DAPP1: variants seen among roughly 807,000 people sequenced by gnomAD.
The protein encoded by DAPP1 is dual adaptor of phosphotyrosine and 3-phosphoinositides 1.
Under a neutral mutation model 41.5 loss-of-function variants are expected in DAPP1, and 20 were observed. The observed-to-expected ratio is 0.48, with a 90% CI of 0.34 to 0.70. The LOEUF (loss-of-function observed/expected upper bound fraction) is 0.70. Among genes scored for constraint, DAPP1 ranks in the 30% least tolerant of loss-of-function variants. DAPP1 has a pLI of 0.01. For missense variants in DAPP1, 233 were observed against 333.4 expected, an observed-to-expected ratio of 0.70 and a Z score of 2.35; for synonymous variants, 113 against 116.2, an observed-to-expected ratio of 0.97 and a Z score of 0.18.
At chr4:99,848,618 G>A (rs1289909083) in intron 3 of DAPP1, among the ~76,000 whole-genome samples, 1 of 152,194 alleles carries the variant, frequency 6.6e-6, no homozygotes, top group Non-Finnish European at 1.5e-5. Context: ...CAAGGAATCT[G>A]CTTAGTAATC....
chr4:99,845,197 G>C (rs982343361), intron 3 of DAPP1, among the ~76,000 whole-genome samples: 4 of 152,202 alleles, frequency 2.6e-5, no homozygotes, highest in Non-Finnish European at 5.9e-5. Flanking sequence ...ACTTGCCCAA[G>C]TTTTCACTGC....
chr4:99,835,571 G>A (rs533457966), intron 1 of DAPP1, 52 bp from the exon 2 acceptor site: 15 of 1,598,666 alleles, frequency 9.4e-6, no homozygotes, highest in Middle Eastern at 4.5e-4. Context: ...CAGTGCAGGG[G>A]GAGTCATGCC....
chr4:99,847,598 GGCCTGT>G (rs1182227710), intron 3 of DAPP1, among the ~76,000 whole-genome samples: 1 of 152,116 alleles, frequency 6.6e-6, no homozygotes, highest in Non-Finnish European at 1.5e-5. Context: ...AAGTTTCCAA[GGCCTGT>G]GGTTACTGGT....
intron 3 of DAPP1, among the ~76,000 whole-genome samples, chr4:99,842,974 T>C (rs994730195): frequency 1.3e-5 from 2 of 152,056 alleles, no homozygotes; most frequent in African/African-American, 2.4e-5. Context: ...AGATATTTCT[T>C]ATAGCTTATG....
intron 3 of DAPP1, among the ~76,000 whole-genome samples, chr4:99,845,241 C>T (rs1232182362): frequency 1.3e-5 from 2 of 152,172 alleles, no homozygotes; most frequent in East Asian, 3.8e-4. Context: ...GGAATCTGGG[C>T]TAATCTGGTT....
intron 1 of DAPP1, among the ~76,000 whole-genome samples, chr4:99,831,398 C>A (rs1723114912): frequency 6.6e-6 from 1 of 152,192 alleles, no homozygotes; most frequent in Non-Finnish European, 1.5e-5. Flanking sequence ...AACAATAGCA[C>A]CCCGACTCCC....
chr4:99,842,938 G>A (rs1401349316), intron 3 of DAPP1, among the ~76,000 whole-genome samples: 1 of 147,270 alleles, frequency 6.8e-6, no homozygotes, highest in Non-Finnish European at 1.5e-5. Flanking sequence ...TGCAAGCTCC[G>A]CCTCCCGGGT....
At chr4:99,867,062 G>A (rs998223142) in intron 8 of DAPP1, among the ~76,000 whole-genome samples, 6 of 152,054 alleles carry the variant, frequency 3.9e-5, no homozygotes, top group African/African-American at 1.2e-4. Context: ...GAAGCACCAT[G>A]CCCGGCCAGA....
chr4:99,866,801 G>A (rs762419941), intron 8 of DAPP1, among the ~76,000 whole-genome samples: 21 of 124,364 alleles, frequency 1.7e-4, no homozygotes, highest in Non-Finnish European at 2.2e-4. Flanking sequence ...ACAGAGTCTC[G>A]TTCTGTTGCC....
At chr4:99,870,363 A>G (rs1724604643), downstream of DAPP1, among the ~76,000 whole-genome samples, 1 of 152,032 alleles carries the variant, frequency 6.6e-6, no homozygotes, top group Non-Finnish European at 1.5e-5. Context: ...ATATATATAT[A>G]CATATGACAA....
intron 3 of DAPP1, among the ~76,000 whole-genome samples, chr4:99,841,447 C>T (rs537621691): frequency 7.9e-5 from 12 of 152,322 alleles, no homozygotes; most frequent in South Asian, 6.2e-4. Flanking sequence ...ACCCAAACTA[C>T]GAAATGAAGT....
At chr4:99,857,831 A>G (rs1296789853) in intron 4 of DAPP1, among the ~76,000 whole-genome samples, 1 of 152,102 alleles carries the variant, frequency 6.6e-6, no homozygotes, top group East Asian at 1.9e-4. Context: ...AGTTTTCTGG[A>G]ACACCATTAA....
rs1162790517 is a variant in DAPP1 at position 99,861,665 on chromosome 4, AAG to A, written c.537+44_537+45del. The A allele has an allele frequency of 1.9e-6, 3 of 1,552,320 alleles. No homozygotes were observed. In the East Asian group the frequency reaches 7.2e-5, roughly 37 times the overall value. ...TTTTGCTCATGCCAGCCACAGAAAA[AAG>A]AGAACACGTCATGTAGACTCAATTC... is the stretch of plus-strand genomic sequence containing the variant. On this transcript the variant is annotated intron_variant, in intron 5 of 8. Transcript: ENST00000512369.
chr4:99,849,140 A>C (rs1207870659), intron 3 of DAPP1, among the ~76,000 whole-genome samples: 3 of 152,232 alleles, frequency 2.0e-5, no homozygotes, highest in Non-Finnish European at 4.4e-5. Flanking sequence ...AGTTAAAATC[A>C]ATCTACAGTC....
chr4:99,818,900 G>A (rs1256554269), intron 1 of DAPP1, among the ~76,000 whole-genome samples: 1 of 152,170 alleles, frequency 6.6e-6, no homozygotes, highest in Non-Finnish European at 1.5e-5. Context: ...CTCTGGGGAT[G>A]GGTGTTTTCT....
chr4:99,826,993 CTT>C (rs780738366), intron 1 of DAPP1, among the ~76,000 whole-genome samples: 2 of 152,186 alleles, frequency 1.3e-5, no homozygotes, highest in Non-Finnish European at 1.5e-5. Context: ...TAGTACTTTG[CTT>C]TGCCCTTCTC....
intron 3 of DAPP1, among the ~76,000 whole-genome samples, chr4:99,846,776 C>T (rs1292184360): frequency 6.6e-6 from 1 of 152,174 alleles, no homozygotes; most frequent in Admixed American, 6.5e-5. Flanking sequence ...GAATTTTCTC[C>T]TACACTGACT....
intron 5 of DAPP1, 46 bp downstream of exon 5, chr4:99,861,671 A>T: frequency 6.5e-7 from 1 of 1,543,308 alleles, no homozygotes; most frequent in Middle Eastern, 1.7e-4. Flanking sequence ...AAAAAAGAGA[A>T]CACGTCATGT....
intron 5 of DAPP1, 102 bp downstream of exon 5, chr4:99,861,727 C>G: frequency 7.5e-7 from 1 of 1,335,876 alleles, no homozygotes; most frequent in South Asian, 1.3e-5. Context: ...GCATAATTGC[C>G]TGCTCATTTT....
Sources: allele counts gnomAD v4.1 joint callset (sites outside exome capture counted in the v4.1 genomes callset), GRCh38; gene constraint gnomAD v4.1.1; transcripts MANE v1.5; gene names NCBI Gene and HGNC (gene_info 2026-07-23, HGNC 2026-07-21).